CNTNAP2: variants seen among roughly 807,000 people sequenced by gnomAD.
CNTNAP2 encodes the protein contactin-associated protein-like 2.
In CNTNAP2, 98 loss-of-function variants were observed where a neutral mutation model predicts 155.2. The observed-to-expected ratio is 0.63, with a 90% CI of 0.54 to 0.75. The LOEUF (loss-of-function observed/expected upper bound fraction) is 0.75. Ranked by LOEUF, CNTNAP2 falls within the 30% of genes least tolerant of loss-of-function variation. The pLI is 0.00. For missense variants in CNTNAP2, 1,727 were observed against 1,688.1 expected (o/e 1.02, Z -0.40); for synonymous variants, 651 against 631.2 (o/e 1.03, Z -0.47).
chr7:146,367,909 A>C (rs1439822389), intron 1 of CNTNAP2, among the ~76,000 whole-genome samples: 2 of 152,094 alleles, frequency 1.3e-5, no homozygotes, highest in African/African-American at 4.8e-5. Context: ...CTTTTAAAGA[A>C]AGCAGAGTGA....
At chr7:148,205,643 T>C (rs1792044711) in intron 18 of CNTNAP2, among the ~76,000 whole-genome samples, 1 of 152,222 alleles carries the variant, frequency 6.6e-6, no homozygotes, top group South Asian at 2.1e-4. Context: ...GAGGTCTCAG[T>C]CAACTGAATG....
At chr7:148,102,944 A>G (rs1302360965) in intron 15 of CNTNAP2, among the ~76,000 whole-genome samples, 1 of 152,178 alleles carries the variant, frequency 6.6e-6, no homozygotes, top group African/African-American at 2.4e-5. Context: ...GGTTTTATAC[A>G]TTTTAGGGAG....
intron 15 of CNTNAP2, among the ~76,000 whole-genome samples, chr7:148,006,894 C>T (rs1172625719): frequency 6.6e-6 from 1 of 152,206 alleles, no homozygotes; most frequent in African/African-American, 2.4e-5. Flanking sequence ...GGCTAAGCTT[C>T]ATTGCACTTC....
chr7:147,470,848 A>G lies in CNTNAP2; in HGVS notation c.1671-15087A>G, dbSNP rs187142770. ...TATAATCTGATGTCCTTATAATGAG[A>G]TGAGATCACCAAGATGAGTACTAAG... On this transcript the variant is annotated intron_variant, in intron 10 of 23. Transcript: ENST00000361727. Among the ~76,000 whole-genome samples the G allele has an allele frequency of 3.4e-3, 513 of 152,230 alleles. 7 individuals are homozygous for G. Among genetic ancestry groups the G allele is most frequent in the Admixed American group, 0.015 (226 of 15,282 alleles).
intron 11 of CNTNAP2, among the ~76,000 whole-genome samples, chr7:147,553,117 G>A (rs1221923255): frequency 6.6e-6 from 1 of 152,206 alleles, no homozygotes; most frequent in Non-Finnish European, 1.5e-5. Flanking sequence ...AGGTGAGACA[G>A]CAGTGATAAC....
chr7:146,754,883 CA>C (rs1160700802), intron 1 of CNTNAP2, among the ~76,000 whole-genome samples: 5 of 151,936 alleles, frequency 3.3e-5, no homozygotes, highest in African/African-American at 7.2e-5. Flanking sequence ...TTAGTCTAAT[CA>C]TCTCAAAGTA....
At chr7:146,149,143 C>A (rs1026804199) in intron 1 of CNTNAP2, among the ~76,000 whole-genome samples, 11 of 151,830 alleles carry the variant, frequency 7.2e-5, no homozygotes, top group Non-Finnish European at 1.2e-4. Context: ...AACAAACCTG[C>A]ATGTTGTGCA....
At chr7:146,830,197 A>G (rs1193875429) in intron 2 of CNTNAP2, among the ~76,000 whole-genome samples, 1 of 152,082 alleles carries the variant, frequency 6.6e-6, no homozygotes, top group Non-Finnish European at 1.5e-5. Context: ...CCCAACCACA[A>G]AAAGATGCTG....
chr7:148,095,076 A>C (rs1803933598), intron 15 of CNTNAP2, among the ~76,000 whole-genome samples: 1 of 152,226 alleles, frequency 6.6e-6, no homozygotes, highest in South Asian at 2.1e-4. Flanking sequence ...GCTTGAGTCA[A>C]CAAGCACAGA....
intron 20 of CNTNAP2, among the ~76,000 whole-genome samples, chr7:148,259,443 G>T (rs948872625): frequency 8.6e-5 from 13 of 151,378 alleles, no homozygotes; most frequent in African/African-American, 2.9e-4. Context: ...ATATTTTGAA[G>T]AAAAAAGATG....
chr7:147,745,324 G>C (rs1256206262), intron 13 of CNTNAP2, among the ~76,000 whole-genome samples: 1 of 152,108 alleles, frequency 6.6e-6, no homozygotes, highest in Non-Finnish European at 1.5e-5. Flanking sequence ...TACCATTTCA[G>C]GGAAGGCAAT....
At chr7:146,748,319 G>A (rs960384397) in intron 1 of CNTNAP2, among the ~76,000 whole-genome samples, 1 of 123,700 alleles carries the variant, frequency 8.1e-6, no homozygotes, top group African/African-American at 2.5e-5. Flanking sequence ...CTAATTTTTT[G>A]TATTTTTGTT....
At chr7:147,268,953 T>C (rs995000944) in intron 8 of CNTNAP2, among the ~76,000 whole-genome samples, 10 of 152,196 alleles carry the variant, frequency 6.6e-5, no homozygotes, top group African/African-American at 2.4e-4. Context: ...GGAGTCTTTA[T>C]TTAATGAAAA....
intron 14 of CNTNAP2, among the ~76,000 whole-genome samples, chr7:147,914,589 C>T (rs1800126201): frequency 2.0e-5 from 3 of 151,602 alleles, no homozygotes; most frequent in African/African-American, 4.8e-5. Context: ...TGAGAAGGGT[C>T]TCACTGTGTT....
intron 12 of CNTNAP2, among the ~76,000 whole-genome samples, chr7:147,592,397 AAATT>A (rs1160024783): frequency 2.0e-5 from 3 of 152,002 alleles, no homozygotes; most frequent in Non-Finnish European, 4.4e-5. Context: ...ATGCATATAA[AAATT>A]AAAAGCCTAC....
chr7:146,282,827 T>C (rs1800271094), intron 1 of CNTNAP2, among the ~76,000 whole-genome samples: 2 of 152,194 alleles, frequency 1.3e-5, no homozygotes, highest in Admixed American at 6.5e-5. Flanking sequence ...TTTTGAAACA[T>C]CCTAGTGAAG....
At chr7:147,287,982 A>G (rs1805220069) in intron 8 of CNTNAP2, among the ~76,000 whole-genome samples, 1 of 152,044 alleles carries the variant, frequency 6.6e-6, no homozygotes, top group Non-Finnish European at 1.5e-5. Context: ...TCTACTTATC[A>G]GGCCTTTACC....
chr7:148,249,079 T>C (rs893889782), intron 20 of CNTNAP2, among the ~76,000 whole-genome samples: 16 of 152,258 alleles, frequency 1.1e-4, no homozygotes, highest in African/African-American at 3.9e-4. Context: ...CTTATTATTA[T>C]GTTATAAGGA....
intron 16 of CNTNAP2, among the ~76,000 whole-genome samples, chr7:148,120,780 C>T (rs1045972145): frequency 6.6e-6 from 1 of 152,146 alleles, no homozygotes; most frequent in African/African-American, 2.4e-5. Context: ...TCAGAGCCCC[C>T]TGTATCTACT....
Sources: gnomAD v4.1 joint callset for allele counts (sites outside exome capture counted in the v4.1 genomes callset) on GRCh38, gnomAD v4.1.1 for gene constraint, MANE v1.5 for transcripts, NCBI Gene and HGNC (gene_info 2026-07-23, HGNC 2026-07-21) for gene names.